EPB41: variants seen among roughly 807,000 people sequenced by gnomAD.
The protein encoded by EPB41 is protein 4.1.
Under a neutral mutation model 108.0 loss-of-function variants are expected in EPB41, and 65 were observed. The observed-to-expected ratio is 0.60, with a 90% CI of 0.49 to 0.74. The LOEUF (loss-of-function observed/expected upper bound fraction) is 0.74. EPB41 is among the 30% of genes least tolerant of loss of function. The pLI, the probability that EPB41 is intolerant of heterozygous loss-of-function variation, is 0.00. For synonymous variants in EPB41, 336 were observed against 358.9 expected, an observed-to-expected ratio of 0.94 and a Z score of 0.72; for missense variants, 875 against 1,037.0, an observed-to-expected ratio of 0.84 and a Z score of 2.15.
intron 16 of EPB41, chr1:29,070,308 A>G (rs566627641): frequency 2.0e-4 from 239 of 1,178,730 alleles, no homozygotes; most frequent in Non-Finnish European, 2.3e-4. Flanking sequence ...AGCATTTTCC[A>G]TCTGTCATTT....
chr1:28,889,544 G>A (rs970380962), intron 1 of EPB41, among the ~76,000 whole-genome samples: 3 of 152,258 alleles, frequency 2.0e-5, no homozygotes, highest in Non-Finnish European at 2.9e-5. Flanking sequence ...CACCCTCTCT[G>A]CAGAATGGAC....
At position 29,058,867 on chromosome 1, in the gene EPB41, A is replaced by C. The variant is rs1358744511; in HGVS notation, c.1944+15A>C. On this transcript the variant is annotated intron_variant, in intron 14 of 20. Transcript: ENST00000343067. ...GAATGAGGAAGGTTAGCCATTTTTC[A>C]CTTTCACAAAACTACATTGCCATTT... 6.5e-7 allele frequency: 1 copy of C among 1,549,498 alleles called. No homozygotes were observed. Among genetic ancestry groups the C allele is most frequent in the African/African-American group, 1.4e-5 (1 of 73,142 alleles).
chr1:29,018,319 A>G lies in EPB41; in HGVS notation c.1001A>G (p.Gln334Arg), dbSNP rs757227176. 1 of 1,614,166 alleles carries G rather than the reference A, an allele frequency of 6.2e-7. No homozygotes were observed. Among genetic ancestry groups the G allele is most frequent in the East Asian group, 2.2e-5 (1 of 44,888 alleles). ...GCATTATTAGGTTCTTACACCATCC[A>G]GTCTGAACTGGGAGACTACGACCCA... ...TLALLGSYTI[Q>R]SELGDYDPEL... Residue 334 changes from glutamine (Q) to arginine (R), a missense_variant, in exon 7 of 21, where the codon CAG (glutamine) becomes CGG (arginine). By Grantham distance (43) the Gln-to-Arg change is conservative. This residue lies in a region of EPB41 where 353 missense variants were observed against 393.2 expected (regional missense o/e 0.90). Transcript: ENST00000343067. The surrounding 1 kb of genome is among the most constrained non-coding windows in gnomAD (Gnocchi z 4.4).
chr1:29,110,417 A>T (rs1187866287), intron 18 of EPB41, among the ~76,000 whole-genome samples: 2 of 152,178 alleles, frequency 1.3e-5, no homozygotes, highest in Non-Finnish European at 2.9e-5. Flanking sequence ...TTATACAACC[A>T]TATTTTCCAA....
chr1:28,924,807 C>A (rs2148372635), intron 1 of EPB41, among the ~76,000 whole-genome samples: 1 of 152,146 alleles, frequency 6.6e-6, no homozygotes, highest in South Asian at 2.1e-4. Context: ...CAGCTTATTT[C>A]TTTTTCTGGG....
chr1:29,039,863 C>T (rs1175091874), intron 11 of EPB41, among the ~76,000 whole-genome samples: 1 of 151,806 alleles, frequency 6.6e-6, no homozygotes, highest in African/African-American at 2.4e-5. Context: ...TACTAATTGT[C>T]TAATCTTAAT....
At chr1:29,113,519 C>G (rs1267770489) in intron 19 of EPB41, among the ~76,000 whole-genome samples, 3 of 152,172 alleles carry the variant, frequency 2.0e-5, no homozygotes, top group Admixed American at 2.0e-4. Flanking sequence ...AAGCCTGCAC[C>G]CACCCACTCA....
intron 1 of EPB41, among the ~76,000 whole-genome samples, chr1:28,888,587 A>C (rs1377014804): frequency 1.3e-5 from 2 of 152,178 alleles, no homozygotes; most frequent in Non-Finnish European, 2.9e-5. Context: ...AAATCACTGT[A>C]AATAAGGCGT....
chr1:29,010,010 G>A (rs767315345), intron 4 of EPB41, among the ~76,000 whole-genome samples: 4 of 152,166 alleles, frequency 2.6e-5, no homozygotes, highest in Non-Finnish European at 5.9e-5. Context: ...TGTTGGTAGA[G>A]GGTGAGGAAG....
At chr1:29,102,327 G>A (rs1573964554) in intron 17 of EPB41, among the ~76,000 whole-genome samples, 1 of 152,256 alleles carries the variant, frequency 6.6e-6, no homozygotes, top group East Asian at 1.9e-4. Flanking sequence ...GGTGCACTAT[G>A]GTGGTACTGT....
chr1:28,892,147 G>A (rs2090190367), intron 1 of EPB41, among the ~76,000 whole-genome samples: 1 of 148,890 alleles, frequency 6.7e-6, no homozygotes. Context: ...CACAGTTGCC[G>A]GTACCAGGCA....
At chr1:28,932,069 T>C (rs186081488) in intron 1 of EPB41, among the ~76,000 whole-genome samples, 1 of 152,374 alleles carries the variant, frequency 6.6e-6, no homozygotes, top group African/African-American at 2.4e-5. Context: ...AGTTGCTTCA[T>C]GTGAATCATT....
chr1:28,948,521 A>AAAAG (rs917898375), intron 1 of EPB41, among the ~76,000 whole-genome samples: 3 of 151,196 alleles, frequency 2.0e-5, no homozygotes, highest in South Asian at 4.2e-4. Context: ...AAAAAAAAAA[A>AAAAG]AAAGAAAGAA....
intron 2 of EPB41, among the ~76,000 whole-genome samples, chr1:28,992,585 A>G (rs1222251385): frequency 1.3e-5 from 2 of 152,140 alleles, no homozygotes; most frequent in African/African-American, 4.8e-5. Flanking sequence ...GCTATTCAGG[A>G]GGCCCAGGCA....
At chr1:28,948,819 C>T (rs1571209562) in intron 1 of EPB41, among the ~76,000 whole-genome samples, 3 of 149,806 alleles carry the variant, frequency 2.0e-5, no homozygotes, top group African/African-American at 7.4e-5. Flanking sequence ...CATGGTGGTG[C>T]GTGCCTGTAG....
At position 28,908,506 on chromosome 1, in the gene EPB41, G is replaced by A. The variant is rs191962032; in HGVS notation, c.-8+21296G>A. Among the ~76,000 whole-genome samples the A allele has an allele frequency of 9.9e-3, 1,493 of 150,102 alleles. 10 individuals carry two copies. The highest frequency in any genetic ancestry group is 0.018 in the Non-Finnish European group (1,199 of 67,562). On this transcript the variant is annotated intron_variant, in intron 1 of 16. Coordinates refer to the EPB41 transcript ENST00000347529. Reference sequence around the variant, plus strand: ...GAGTGCAGTGGCATGATCTCGTCTCGCTGCAACCTCTGCCTCCTGGGTTCA... The same window carrying A: ...GAGTGCAGTGGCATGATCTCGTCTCACTGCAACCTCTGCCTCCTGGGTTCA...
chr1:29,085,601 T>G (rs1260795559), intron 16 of EPB41, among the ~76,000 whole-genome samples: 5 of 152,096 alleles, frequency 3.3e-5, no homozygotes, highest in African/African-American at 1.2e-4. Flanking sequence ...TTTGACTTTC[T>G]TTTCTTTTCT....
At chr1:28,950,545 C>T (rs775098876) in intron 1 of EPB41, among the ~76,000 whole-genome samples, 9 of 152,220 alleles carry the variant, frequency 5.9e-5, no homozygotes, top group Non-Finnish European at 1.0e-4. Context: ...TAAATTTATG[C>T]TCTGCCAACC....
chr1:28,940,608 C>T (rs1252959912), intron 1 of EPB41, among the ~76,000 whole-genome samples: 3 of 152,060 alleles, frequency 2.0e-5, no homozygotes, highest in Admixed American at 6.6e-5. Context: ...GTCGAGATCG[C>T]GCCATTGCAC....
Sources: gnomAD v4.1 joint callset for allele counts (sites outside exome capture counted in the v4.1 genomes callset) on GRCh38, gnomAD v4.1.1 for gene constraint, gnomAD v4.1.1 regional missense constraint, Gnocchi (gnomAD v3.1) non-coding constraint, MANE v1.5 for transcripts, NCBI Gene and HGNC (gene_info 2026-07-23, HGNC 2026-07-21) for gene names.